Variants in FBXO34 observed in about 807,000 individuals in gnomAD.
The protein encoded by FBXO34 is F-box protein 34.
FBXO34 carries 12 observed loss-of-function variants against 24.5 expected under a neutral mutation model. The ratio of observed to expected loss-of-function variants is 0.49; its 90% confidence interval spans 0.31 to 0.79. The LOEUF (loss-of-function observed/expected upper bound fraction) is 0.79. FBXO34 is among the 30% of genes least tolerant of loss of function. The pLI, the probability that FBXO34 is intolerant of heterozygous loss-of-function variation, is 0.04. For missense variants in FBXO34, 823 were observed against 857.7 expected (o/e 0.96, Z 0.51); for synonymous variants, 320 against 311.9 (o/e 1.03, Z -0.27).
intron 1 of FBXO34, among the ~76,000 whole-genome samples, chr14:55,305,134 C>T (rs1008726847): frequency 1.3e-5 from 2 of 152,138 alleles, no homozygotes; most frequent in African/African-American, 2.4e-5. Context: ...GAGTCTTGGC[C>T]GGGCCTGATG....
the FBXO34 span, among the ~76,000 whole-genome samples, chr14:55,425,954 C>T: frequency 4.2e-4 from 64 of 152,212 alleles, 2 homozygotes; most frequent in South Asian, 9.1e-3. Context: ...GTATTTATAT[C>T]AGGATACCTT....
chr14:55,295,387 ATTTTTTTT>A (rs3051307), intron 1 of FBXO34, among the ~76,000 whole-genome samples: 8 of 91,384 alleles, frequency 8.8e-5, no homozygotes, highest in African/African-American at 3.5e-4. Flanking sequence ...ATTCTTTTCT[ATTTTTTTT>A]TTTTTTTTTT....
At chr14:55,290,403 T>C (rs867215516) in intron 1 of FBXO34, among the ~76,000 whole-genome samples, 1 of 149,662 alleles carries the variant, frequency 6.7e-6, no homozygotes, top group Non-Finnish European at 1.5e-5. Flanking sequence ...AAAAAAAAAA[T>C]AAATAAAATA....
At chr14:55,418,256 C>T in the FBXO34 span, among the ~76,000 whole-genome samples, 2 of 152,190 alleles carry the variant, frequency 1.3e-5, no homozygotes, top group Non-Finnish European at 2.9e-5. Flanking sequence ...GCCCCCAGCA[C>T]ATTACAAGTA....
intron 1 of FBXO34, among the ~76,000 whole-genome samples, chr14:55,342,272 T>C (rs1884017725): frequency 6.6e-6 from 1 of 152,196 alleles, no homozygotes; most frequent in South Asian, 2.1e-4. Flanking sequence ...CCGTGAGCAG[T>C]TTTTGAAAAC....
At chr14:55,404,839 A>G in the FBXO34 span, among the ~76,000 whole-genome samples, 3 of 152,208 alleles carry the variant, frequency 2.0e-5, no homozygotes, top group Non-Finnish European at 2.9e-5. Flanking sequence ...TGAACTTAAG[A>G]TTAGTATAAC....
At chr14:55,433,583 A>G in the FBXO34 span, 13 of 1,540,640 alleles carry the variant, frequency 8.4e-6, no homozygotes, top group East Asian at 2.2e-5. Flanking sequence ...CTTGTTTTAC[A>G]TACTAAATTG....
intron 1 of FBXO34, among the ~76,000 whole-genome samples, chr14:55,307,975 T>G (rs1165473518): frequency 6.6e-6 from 1 of 152,188 alleles, no homozygotes; most frequent in East Asian, 1.9e-4. Context: ...TGGAGATAAT[T>G]GAATCATGAG....
chr14:55,363,179 C>T (rs1047987406), downstream of FBXO34, among the ~76,000 whole-genome samples: 8 of 148,700 alleles, frequency 5.4e-5, no homozygotes, highest in South Asian at 2.1e-4. Flanking sequence ...CACACCACCA[C>T]GCCTGGCTAA....
intron 1 of FBXO34, among the ~76,000 whole-genome samples, chr14:55,283,976 CTG>C (rs944505119): frequency 1.1e-4 from 12 of 108,694 alleles, no homozygotes; most frequent in African/African-American, 1.1e-4. Flanking sequence ...GTGTGTGTGT[CTG>C]TGTGTGTGTG....
intron 1 of FBXO34, chr14:55,335,238 A>G (rs1883734747): frequency 6.6e-6 from 1 of 152,154 alleles, no homozygotes; most frequent in Non-Finnish European, 1.5e-5. Context: ...TTTTTATGGA[A>G]AAGTGCCTCT....
At chr14:55,325,879 C>T (rs972660457) in intron 1 of FBXO34, 3 of 152,344 alleles carry the variant, frequency 2.0e-5, no homozygotes, top group African/African-American at 7.2e-5. Flanking sequence ...CCTCCCACCT[C>T]GTTTCTCAGT....
intron 1 of FBXO34, among the ~76,000 whole-genome samples, chr14:55,293,955 G>C (rs1379654972): frequency 6.6e-6 from 1 of 151,994 alleles, no homozygotes; most frequent in South Asian, 2.1e-4. Flanking sequence ...GGTGTTAATC[G>C]GGTACGCATA....
downstream of FBXO34, among the ~76,000 whole-genome samples, chr14:55,370,676 C>T (rs1884794803): frequency 6.6e-6 from 1 of 151,862 alleles, no homozygotes; most frequent in Non-Finnish European, 1.5e-5. Flanking sequence ...GAGTCTCGTT[C>T]TGTTGCCCAG....
chr14:55,442,721 A>AT, the FBXO34 span, among the ~76,000 whole-genome samples: 22 of 151,762 alleles, frequency 1.4e-4, no homozygotes, highest in African/African-American at 5.3e-4. Flanking sequence ...TAACCTACAC[A>AT]TTTTTTTAGC....
chr14:55,436,483 T>G, the FBXO34 span: 4 of 1,251,174 alleles, frequency 3.2e-6, no homozygotes, highest in Non-Finnish European at 4.5e-6. Context: ...ACTATTATCC[T>G]GAAATTAGTT....
the FBXO34 span, among the ~76,000 whole-genome samples, chr14:55,405,085 G>C: frequency 6.6e-6 from 1 of 152,194 alleles, no homozygotes; most frequent in African/African-American, 2.4e-5. Context: ...CCATGGGACA[G>C]GAATTGAGAC....
intron 1 of FBXO34, among the ~76,000 whole-genome samples, chr14:55,303,739 AAG>A (rs1240151663): frequency 6.6e-6 from 1 of 152,006 alleles, no homozygotes; most frequent in Non-Finnish European, 1.5e-5. Flanking sequence ...ACTTTTGTGA[AAG>A]AGGGAGAATG....
chr14:55,351,054 C>G lies in FBXO34; in HGVS notation c.664C>G (p.Leu222Val). Residue 222 changes from leucine (L) to valine (V), a missense_variant, in exon 2 of 2, where the codon CTA becomes GTA. Physicochemically the swap from Leu to Val is conservative, Grantham distance 32. Coordinates refer to ENST00000313833, the MANE Select transcript of FBXO34 (RefSeq NM_017943.4). The part of the protein sequence containing the change: ...AFLEQRASAL[L>V]ASCSKNCTNS... Reference sequence around the variant, plus strand: ...CTTGGAGCAAAGAGCCAGTGCTCTGCTAGCTAGCTGTTCAAAAAACTGCAC... The same window carrying G: ...CTTGGAGCAAAGAGCCAGTGCTCTGGTAGCTAGCTGTTCAAAAAACTGCAC... The G allele has an allele frequency of 6.2e-7, 1 of 1,614,192 alleles. No individual in the cohort carries two copies. Among genetic ancestry groups the G allele is most frequent in the Non-Finnish European group, 8.5e-7 (1 of 1,180,034 alleles).
Sources: gnomAD v4.1 joint callset for allele counts (sites outside exome capture counted in the v4.1 genomes callset) on GRCh38, gnomAD v4.1.1 for gene constraint, MANE v1.5 for transcripts, NCBI Gene and HGNC (gene_info 2026-07-23, HGNC 2026-07-21) for gene names.